ERCC1: variants seen among roughly 807,000 people sequenced by gnomAD.
ERCC1 encodes the protein DNA excision repair protein ERCC-1.
ERCC1 carries 36 observed loss-of-function variants against 37.6 expected under a neutral mutation model. That is an observed-to-expected ratio of 0.96 (90% CI 0.73 to 1.26). The LOEUF is 1.26. ERCC1 is among the 50% of genes most tolerant of loss of function. The pLI is 0.00. For synonymous variants in ERCC1, 156 were observed against 162.1 expected (o/e 0.96, Z 0.28); for missense variants, 349 against 376.5 (o/e 0.93, Z 0.60).
intron 9 of ERCC1, chr19:45,410,372 CAG>C (rs1282830481): frequency 2.0e-5 from 3 of 151,616 alleles, no homozygotes; most frequent in South Asian, 2.1e-4. Context: ...TTAGTAGAGA[CAG>C]GGGTTTCACC....
At chr19:45,432,217 G>A (rs941110783) in intron 1 of ERCC1, among the ~76,000 whole-genome samples, 1 of 151,652 alleles carries the variant, frequency 6.6e-6, no homozygotes, top group African/African-American at 2.4e-5. Flanking sequence ...TGATCCACCC[G>A]CCTTGGCCTC....
At chr19:45,415,044 C>A in intron 6 of ERCC1, 84 bp from the exon 7 acceptor site, 1 of 1,056,692 alleles carries the variant, frequency 9.5e-7, no homozygotes, top group Non-Finnish European at 1.4e-6. Flanking sequence ...TAAGAATTGC[C>A]AATACTAGGC....
chr19:45,409,070 C>A lies in ERCC1; in HGVS notation c.*605G>T. On this transcript the variant is annotated 3_prime_UTR_variant, in exon 10 of 10. Coordinates refer to ENST00000300853, the MANE Select transcript of ERCC1 (RefSeq NM_001983.4). Reference sequence around the variant, plus strand: ...CCCAGGGGGGACCATGGCGCCTCAACAGCCAGAAGGAGCGAAGCCTCAGGC... The same window carrying A: ...CCCAGGGGGGACCATGGCGCCTCAAAAGCCAGAAGGAGCGAAGCCTCAGGC... 1 of 1,613,774 alleles carries A rather than the reference C, an allele frequency of 6.2e-7. No homozygotes were observed. The highest frequency in any genetic ancestry group is 8.5e-7 in the Non-Finnish European group (1 of 1,179,756).
intron 6 of ERCC1, 184 bp downstream of exon 6, chr19:45,416,637 C>CG: frequency 2.1e-6 from 1 of 486,480 alleles, no homozygotes; most frequent in Middle Eastern, 5.6e-4. Flanking sequence ...GGCTCTGTAT[C>CG]AAAAAAAAAA....
chr19:45,444,396 G>C (rs1295849601), intron 1 of ERCC1, among the ~76,000 whole-genome samples: 3 of 146,154 alleles, frequency 2.1e-5, no homozygotes, highest in African/African-American at 7.6e-5. Context: ...GCCCCCCCGC[G>C]GTGGCCCAGA....
At chr19:45,435,344 C>T (rs1343295539) in intron 1 of ERCC1, among the ~76,000 whole-genome samples, 1 of 152,204 alleles carries the variant, frequency 6.6e-6, no homozygotes, top group Admixed American at 6.6e-5. Context: ...GAGGGAGAAA[C>T]TGAGGCACAG....
At chr19:45,423,631 C>A in intron 1 of ERCC1, 150 bp downstream of exon 1, 2 of 1,341,698 alleles carry the variant, frequency 1.5e-6, no homozygotes, top group South Asian at 1.7e-5. Flanking sequence ...CTATTGGCTC[C>A]GTCCCCACCA....
intron 1 of ERCC1, among the ~76,000 whole-genome samples, chr19:45,439,911 A>G (rs1183367934): frequency 2.0e-5 from 3 of 152,006 alleles, no homozygotes; most frequent in Non-Finnish European, 2.9e-5. Flanking sequence ...CGCCGCGTCC[A>G]TTTTTACCCC....
chr19:45,420,332 C>T lies in ERCC1; in HGVS notation c.417G>A (p.Leu139=), dbSNP rs1974335291. 6.2e-7 allele frequency: 1 copy of T among 1,611,142 alleles called. No individual in the cohort carries two copies. Among genetic ancestry groups the T allele is most frequent in the Non-Finnish European group, 8.5e-7 (1 of 1,177,940 alleles). Residue 139 remains leucine, a synonymous_variant, in exon 4 of 10, where the codon CTG becomes CTA. Transcript: ENST00000300853. This position sits in a 1 kb window ranked among gnomAD's most constrained non-coding sequence, Gnocchi z 4.8. ...GGCGCCGCAGAGCTCACCTGAGGAACAGGGCACAGGTGCTCTGGCCCAGCA... is the reference window on the plus strand; with the variant it reads ...GGCGCCGCAGAGCTCACCTGAGGAATAGGGCACAGGTGCTCTGGCCCAGCA... ...DYVLGQSTCA[L]FLSLRYHNLH...
At chr19:45,434,565 T>C (rs1478168962) in intron 1 of ERCC1, among the ~76,000 whole-genome samples, 1 of 152,086 alleles carries the variant, frequency 6.6e-6, no homozygotes, top group East Asian at 1.9e-4. Flanking sequence ...TTTATTTTTC[T>C]TGTCTTACAG....
chr19:45,440,171 T>C (rs1030752658), intron 1 of ERCC1, among the ~76,000 whole-genome samples: 2 of 149,626 alleles, frequency 1.3e-5, no homozygotes, highest in Non-Finnish European at 3.0e-5. Context: ...TCCCCCACAT[T>C]GTATCCTCAT....
Position 45,415,593 on chromosome 19 carries a change from G to A in ERCC1, c.603-633C>T, listed in dbSNP as rs534363298. ...GGAGTTTGCAATGAGCCGAGATCACGCCACTGCACTCCAGCCTGGGCGACA... is the reference window on the plus strand; with the variant it reads ...GGAGTTTGCAATGAGCCGAGATCACACCACTGCACTCCAGCCTGGGCGACA... On this transcript the variant is annotated intron_variant, in intron 6 of 9. Coordinates refer to ENST00000300853, the MANE Select transcript of ERCC1 (RefSeq NM_001983.4). Among the ~76,000 whole-genome samples, 346 of 130,292 alleles carry A rather than the reference G, an allele frequency of 2.7e-3. 2 individuals carry two copies. Among genetic ancestry groups the A allele is most frequent in the African/African-American group, 1.7e-3 (57 of 33,468 alleles). 85.5% of individuals were successfully genotyped at this position (130,292 alleles called of 152,430 possible).
At chr19:45,416,957 C>T (rs2123487043) in intron 5 of ERCC1, 60 bp from the exon 6 acceptor site, 9 of 1,299,072 alleles carry the variant, frequency 6.9e-6, no homozygotes, top group Middle Eastern at 1.9e-4. Context: ...ATTAGCCAGG[C>T]GTGGTGGCAG....
chr19:45,448,672 A>T (rs1219111018), intron 1 of ERCC1, among the ~76,000 whole-genome samples: 1 of 151,862 alleles, frequency 6.6e-6, no homozygotes, highest in South Asian at 2.1e-4. Context: ...GCATAGTAAG[A>T]CCCCATCTTT....
chr19:45,446,134 A>G (rs1371620224), intron 1 of ERCC1, among the ~76,000 whole-genome samples: 1 of 151,994 alleles, frequency 6.6e-6, no homozygotes, highest in Non-Finnish European at 1.5e-5. Context: ...TCCTGACCTC[A>G]GGTGATTTGC....
intron 5 of ERCC1, among the ~76,000 whole-genome samples, chr19:45,417,406 A>G (rs535363589): frequency 2.0e-5 from 3 of 152,314 alleles, no homozygotes; most frequent in African/African-American, 7.2e-5. Context: ...AGGAGGGGAC[A>G]TTAGAGCTGA....
intron 1 of ERCC1, among the ~76,000 whole-genome samples, chr19:45,437,110 G>C (rs1975000278): frequency 6.6e-6 from 1 of 151,854 alleles, no homozygotes; most frequent in African/African-American, 2.4e-5. Flanking sequence ...TTAGCCAGGC[G>C]TTGTGACACA....
chr19:45,413,144 G>GA (rs1973842873), intron 9 of ERCC1, among the ~76,000 whole-genome samples: 1 of 152,186 alleles, frequency 6.6e-6, no homozygotes, highest in Admixed American at 6.6e-5. Flanking sequence ...CAATGTCCTG[G>GA]AGAGCTTCTC....
At chr19:45,421,518 G>A (rs1174902701) in intron 2 of ERCC1, 125 bp from the exon 3 acceptor site, 13 of 667,512 alleles carry the variant, frequency 1.9e-5, no homozygotes, top group Non-Finnish European at 3.0e-5. Context: ...CACCCAGACT[G>A]GAGTGTAGTG....
Sources: gnomAD v4.1 joint callset for allele counts (sites outside exome capture counted in the v4.1 genomes callset) on GRCh38, gnomAD v4.1.1 for gene constraint, Gnocchi (gnomAD v3.1) non-coding constraint, MANE v1.5 for transcripts, NCBI Gene and HGNC (gene_info 2026-07-23, HGNC 2026-07-21) for gene names.